The following SORCS3 variants were observed in gnomAD, a reference collection of about 807,000 sequenced individuals.
SORCS3 encodes the protein VPS10 domain-containing receptor SorCS3.
A neutral mutation model predicts 146.3 loss-of-function variants in SORCS3; 57 were observed. The observed-to-expected ratio is 0.39, with a 90% confidence interval of 0.31 to 0.49. The LOEUF is 0.49. Among genes scored for constraint, SORCS3 ranks in the 20% least tolerant of loss-of-function variants. The pLI is 0.92. For synonymous variants in SORCS3, 653 were observed against 618.5 expected, an observed-to-expected ratio of 1.06 and a Z score of -0.83; for missense variants, 1,341 against 1,575.5, an observed-to-expected ratio of 0.85 and a Z score of 2.52.
chr10:104,688,349 CG>C (rs2016072291), intron 1 of SORCS3, among the ~76,000 whole-genome samples: 1 of 152,106 alleles, frequency 6.6e-6, no homozygotes, highest in Admixed American at 6.5e-5. Flanking sequence ...GCAGAGGCTG[CG>C]TGTGTGGGGG....
At chr10:104,842,519 G>C (rs2018153051) in intron 1 of SORCS3, among the ~76,000 whole-genome samples, 1 of 152,180 alleles carries the variant, frequency 6.6e-6, no homozygotes, top group African/African-American at 2.4e-5. Context: ...AGAAACAGCT[G>C]TCAATAGCCA....
At chr10:104,659,215 A>C (rs1478313753) in intron 1 of SORCS3, among the ~76,000 whole-genome samples, 1 of 152,200 alleles carries the variant, frequency 6.6e-6, no homozygotes. Flanking sequence ...TTTCATGTTG[A>C]ACATTGTTCC....
At chr10:105,049,939 A>G (rs2055399435) in intron 5 of SORCS3, among the ~76,000 whole-genome samples, 1 of 152,090 alleles carries the variant, frequency 6.6e-6, no homozygotes, top group African/African-American at 2.4e-5. Flanking sequence ...AAACCTGCAC[A>G]TGTACCCATT....
At chr10:105,015,979 C>G (rs1200216897) in intron 4 of SORCS3, among the ~76,000 whole-genome samples, 1 of 151,736 alleles carries the variant, frequency 6.6e-6, no homozygotes, top group Non-Finnish European at 1.5e-5. Flanking sequence ...CTGCCCCCCT[C>G]AGCCTCCCAA....
intron 1 of SORCS3, among the ~76,000 whole-genome samples, chr10:104,757,457 G>A (rs905402085): frequency 6.6e-6 from 1 of 152,188 alleles, no homozygotes; most frequent in Non-Finnish European, 1.5e-5. Context: ...CACTAGGCAG[G>A]TACAACAGCA....
intron 1 of SORCS3, among the ~76,000 whole-genome samples, chr10:104,688,349 CGT>C (rs1173907936): frequency 2.6e-5 from 4 of 152,106 alleles, no homozygotes; most frequent in Non-Finnish European, 5.9e-5. Flanking sequence ...GCAGAGGCTG[CGT>C]GTGTGGGGGG....
chr10:104,975,021 G>A (rs1238404987), intron 3 of SORCS3, among the ~76,000 whole-genome samples: 2 of 151,996 alleles, frequency 1.3e-5, no homozygotes, highest in East Asian at 1.9e-4. Flanking sequence ...TCAAATATTG[G>A]CCCCCACTCT....
chr10:104,857,411 A>T (rs1226217401), intron 2 of SORCS3, among the ~76,000 whole-genome samples: 2 of 152,112 alleles, frequency 1.3e-5, no homozygotes, highest in East Asian at 3.9e-4. Flanking sequence ...GAGAAATTGT[A>T]AGCAAGGAGG....
At chr10:105,087,719 G>T (rs1433370240) in intron 5 of SORCS3, among the ~76,000 whole-genome samples, 3 of 152,130 alleles carry the variant, frequency 2.0e-5, no homozygotes, top group Non-Finnish European at 2.9e-5. Flanking sequence ...AATAAGACAG[G>T]ATCCCACTTT....
At chr10:104,764,689 T>C (rs953364429) in intron 1 of SORCS3, among the ~76,000 whole-genome samples, 3 of 152,210 alleles carry the variant, frequency 2.0e-5, no homozygotes, top group Non-Finnish European at 4.4e-5. Context: ...CATTGCCTGG[T>C]CCATAGTACT....
At chr10:104,943,131 A>G (rs1046911362) in intron 3 of SORCS3, among the ~76,000 whole-genome samples, 3 of 152,034 alleles carry the variant, frequency 2.0e-5, no homozygotes, top group Non-Finnish European at 4.4e-5. Context: ...AAATAAATAT[A>G]AAATATTTTT....
intron 2 of SORCS3, among the ~76,000 whole-genome samples, chr10:104,858,142 T>G (rs549102082): frequency 6.6e-6 from 1 of 152,314 alleles, no homozygotes; most frequent in East Asian, 1.9e-4. Flanking sequence ...TCTTGTGTAA[T>G]AATTTTACTA....
chr10:104,652,470 A>G (rs1199515241), intron 1 of SORCS3, among the ~76,000 whole-genome samples: 3 of 152,206 alleles, frequency 2.0e-5, no homozygotes, highest in Non-Finnish European at 4.4e-5. Flanking sequence ...TGAAAAGAAT[A>G]GGGGGTGATA....
At chr10:105,131,350 G>A (rs566729384) in intron 7 of SORCS3, among the ~76,000 whole-genome samples, 1 of 152,228 alleles carries the variant, frequency 6.6e-6, no homozygotes, top group East Asian at 1.9e-4. Context: ...CATTTCTCTT[G>A]GCTTAGACAG....
intron 2 of SORCS3, among the ~76,000 whole-genome samples, chr10:104,859,679 G>T (rs1197093683): frequency 6.6e-6 from 1 of 152,002 alleles, no homozygotes; most frequent in African/African-American, 2.4e-5. Context: ...TCTCTCAAAG[G>T]GCTAATATCC....
intron 1 of SORCS3, among the ~76,000 whole-genome samples, chr10:104,789,248 C>A (rs1439411124): frequency 6.6e-6 from 1 of 152,190 alleles, no homozygotes; most frequent in Admixed American, 6.5e-5. Context: ...TCCAAGAGGT[C>A]CTGTCCTCCT....
At chr10:105,131,512 T>C (rs1311320408) in intron 7 of SORCS3, among the ~76,000 whole-genome samples, 1 of 152,196 alleles carries the variant, frequency 6.6e-6, no homozygotes, top group Non-Finnish European at 1.5e-5. Context: ...TGTGCGACAA[T>C]GTAGCATTGA....
At chr10:104,871,640 G>A (rs2018520034) in intron 2 of SORCS3, among the ~76,000 whole-genome samples, 1 of 152,206 alleles carries the variant, frequency 6.6e-6, no homozygotes, top group African/African-American at 2.4e-5. Flanking sequence ...ATCTGAGTGA[G>A]ATTATGCTTT....
At chr10:104,742,680 C>T (rs538157789) in intron 1 of SORCS3, among the ~76,000 whole-genome samples, 1 of 152,306 alleles carries the variant, frequency 6.6e-6, no homozygotes, top group South Asian at 2.1e-4. Flanking sequence ...TGGGCCCCAT[C>T]CAGCAGACCT....
Sources: gnomAD v4.1 joint callset for allele counts (sites outside exome capture counted in the v4.1 genomes callset) on GRCh38, gnomAD v4.1.1 for gene constraint, MANE v1.5 for transcripts, NCBI Gene and HGNC (gene_info 2026-07-23, HGNC 2026-07-21) for gene names.